Variants in ITSN1 observed in about 807,000 individuals in gnomAD.
ITSN1 encodes the protein intersectin-1.
A neutral mutation model predicts 239.8 loss-of-function variants in ITSN1; 58 were observed. The ratio of observed to expected loss-of-function variants is 0.24; its 90% confidence interval spans 0.20 to 0.30. The LOEUF is 0.30. Among genes scored for constraint, ITSN1 ranks in the 10% least tolerant of loss-of-function variants. The probability of loss-of-function intolerance (pLI) is 1.00; values close to 1 mark genes in which losing one functional copy is unlikely to be tolerated. For synonymous variants in ITSN1, 780 were observed against 770.8 expected (o/e 1.01, Z -0.20); for missense variants, 1,558 against 2,103.3 (o/e 0.74, Z 5.07).
At chr21:33,672,284 CAT>C (rs1388360930) in intron 1 of ITSN1, among the ~76,000 whole-genome samples, 1 of 151,696 alleles carries the variant, frequency 6.6e-6, no homozygotes, top group Non-Finnish European at 1.5e-5. Flanking sequence ...TTTTAAAAAT[CAT>C]AACAAAATCA....
chr21:33,792,216 T>G (rs1262776037), intron 16 of ITSN1, among the ~76,000 whole-genome samples: 2 of 152,070 alleles, frequency 1.3e-5, no homozygotes, highest in African/African-American at 2.4e-5. Context: ...TTATTTTTTA[T>G]TTTTTTGAGA....
At chr21:33,855,180 C>T (rs9636869) in intron 29 of ITSN1, among the ~76,000 whole-genome samples, 10,002 of 152,264 alleles carry the variant, frequency 0.066, 437 homozygotes, top group East Asian at 0.076. Flanking sequence ...CGAGGAACCC[C>T]TGCTAGGCCA....
intron 33 of ITSN1, among the ~76,000 whole-genome samples, chr21:33,868,111 T>G (rs1981988102): frequency 6.6e-6 from 1 of 152,228 alleles, no homozygotes; most frequent in Non-Finnish European, 1.5e-5. Context: ...TTTTATTCTC[T>G]TATCTGGCCC....
At position 33,713,828 on chromosome 21, in the gene ITSN1, C is replaced by CTTTTTT. The variant is rs35226795; in HGVS notation, c.-32-4950_-32-4945dup. Among the ~76,000 whole-genome samples the CTTTTTT allele has an allele frequency of 8.7e-4, 78 of 89,362 alleles. 1 individual carries two copies. The highest frequency in any genetic ancestry group is 1.5e-3 in the East Asian group (4 of 2,688). The allele number at this position is 89,362 out of a possible 152,430, so 58.6% of individuals were successfully genotyped here. A position where few individuals can be genotyped will look rare whatever the true frequency, so the allele number is the denominator to read the frequency against. Reference sequence around the variant, plus strand: ...TTACCTGGGAACATTCCAGCCTCATCTTTTTTTTTTTTTTTTTTTTTTTTG... The same window carrying CTTTTTT: ...TTACCTGGGAACATTCCAGCCTCATCTTTTTTTTTTTTTTTTTTTTTTTTTTTTTTG... On this transcript the variant is annotated intron_variant, in intron 1 of 39. Coordinates refer to ENST00000381318, the MANE Select transcript of ITSN1 (RefSeq NM_003024.3).
At position 33,702,110 on chromosome 21, in the gene ITSN1, T is replaced by G. The variant is rs2092043866; in HGVS notation, c.-32-16687T>G. On this transcript the variant is annotated intron_variant, in intron 1 of 39. Transcript: ENST00000381318. ...ACAAAAAAATTTTTTTTTTTTTTTT[T>G]TTTTTTTTTTTTTTTTTTTTTTTTA... 1.2e-4 allele frequency among the ~76,000 whole-genome samples: 14 copies of G among 112,436 alleles called. 2 individuals are homozygous for G. The highest frequency in any genetic ancestry group is 2.8e-4 in the African/African-American group (7 of 25,150). The allele number at this position is 112,436 out of a possible 152,430, so 73.8% of individuals were successfully genotyped here.
chr21:33,688,886 G>A (rs1040881144), intron 1 of ITSN1, among the ~76,000 whole-genome samples: 4 of 151,214 alleles, frequency 2.6e-5, no homozygotes, highest in Non-Finnish European at 4.4e-5. Context: ...GCAGTGGCAC[G>A]ATCTCGGTGC....
intron 1 of ITSN1, among the ~76,000 whole-genome samples, chr21:33,650,471 T>C (rs1376582874): frequency 2.0e-5 from 3 of 152,228 alleles, no homozygotes; most frequent in African/African-American, 7.2e-5. Context: ...TCCTGACCGG[T>C]TTTATTGTTC....
rs1350462525 is a variant in ITSN1 at position 33,797,976 on chromosome 21, C to T, written c.2182+368C>T. ...GCAACAGAAAGTGGCACCTTTCACCCTTGCCTCCACTGATGGGGCATTCGC... is the reference window on the plus strand; with the variant it reads ...GCAACAGAAAGTGGCACCTTTCACCTTTGCCTCCACTGATGGGGCATTCGC... On this transcript the variant is annotated intron_variant, in intron 18 of 39. Transcript: ENST00000381318. This position sits in a 1 kb window ranked among gnomAD's most constrained non-coding sequence, Gnocchi z 4.9. 6.6e-6 allele frequency among the ~76,000 whole-genome samples: 1 copy of T among 152,230 alleles called. No homozygotes were observed. The highest frequency in any genetic ancestry group is 2.4e-5 in the African/African-American group (1 of 41,460).
intron 1 of ITSN1, among the ~76,000 whole-genome samples, chr21:33,689,645 C>T (rs1418981799): frequency 6.6e-6 from 1 of 152,168 alleles, no homozygotes; most frequent in African/African-American, 2.4e-5. Flanking sequence ...CACTGTACTC[C>T]AGCCTGGTAG....
chr21:33,688,062 A>T (rs1054769605), intron 1 of ITSN1, among the ~76,000 whole-genome samples: 5 of 151,460 alleles, frequency 3.3e-5, no homozygotes, highest in Non-Finnish European at 7.4e-5. Context: ...TTTTCAAAAA[A>T]TCATCACTGT....
chr21:33,860,364 T>C (rs895675766), intron 31 of ITSN1, among the ~76,000 whole-genome samples: 25 of 151,972 alleles, frequency 1.6e-4, no homozygotes, highest in Non-Finnish European at 3.4e-4. Flanking sequence ...GTTAAAACCT[T>C]TTTCCTTGGG....
chr21:33,750,030 T>C lies in ITSN1; in HGVS notation c.347-113T>C, dbSNP rs2067441504. 5.2e-6 allele frequency: 5 copies of C among 969,982 alleles called. No individual in the cohort carries two copies. In the South Asian group the frequency reaches 5.8e-5, roughly 11 times the overall value. The allele number at this position is 969,982 out of a possible 1,614,324, so 60.1% of individuals were successfully genotyped here. On this transcript the variant is annotated intron_variant, in intron 5 of 39. Transcript: ENST00000381318. ...GATTAACTTGAAGCCCTATTTTAATTGGAATATATTACAGCTGGAAAGTGA... is the reference window on the plus strand; with the variant it reads ...GATTAACTTGAAGCCCTATTTTAATCGGAATATATTACAGCTGGAAAGTGA...
chr21:33,778,595 T>TAC (rs869155467), intron 14 of ITSN1, among the ~76,000 whole-genome samples: 2 of 135,114 alleles, frequency 1.5e-5, no homozygotes, highest in African/African-American at 6.1e-5. Context: ...TTTTTTTTTT[T>TAC]TGAGACGGAG....
rs1046371922 is a variant in ITSN1, at chr21:33,896,548, G to T, written c.*8248G>T. 6.6e-6 allele frequency: 1 copy of T among 152,276 alleles called. No individual in the cohort carries two copies. Among genetic ancestry groups the T allele is most frequent in the Non-Finnish European group, 1.5e-5 (1 of 68,098 alleles). 9.4% of individuals were successfully genotyped at this position (152,276 alleles called of 1,614,324 possible). A position where few individuals can be genotyped will look rare whatever the true frequency, so the allele number is the denominator to read the frequency against. ...AGCTGGGCCACACGATCTGGTCTGC[G>T]GGTGTCTGGGAGGAACCTGCTTCGG... is the stretch of plus-strand genomic sequence containing the variant. On this transcript the variant is annotated 3_prime_UTR_variant, in exon 40 of 40. Coordinates refer to ENST00000381318, the MANE Select transcript of ITSN1 (RefSeq NM_003024.3).
At chr21:33,752,701 C>T (rs1323177981) in intron 7 of ITSN1, among the ~76,000 whole-genome samples, 5 of 151,676 alleles carry the variant, frequency 3.3e-5, no homozygotes, top group Non-Finnish European at 7.4e-5. Context: ...GCCTGGGCAA[C>T]ATAGGGAGAC....
At chr21:33,761,713 A>G (rs929513127) in intron 8 of ITSN1, among the ~76,000 whole-genome samples, 2 of 152,184 alleles carry the variant, frequency 1.3e-5, no homozygotes, top group Admixed American at 6.5e-5. Flanking sequence ...AAAATTTATT[A>G]TGTGTCAGAT....
chr21:33,650,273 G>A (rs1379421618), intron 1 of ITSN1, among the ~76,000 whole-genome samples: 2 of 152,126 alleles, frequency 1.3e-5, no homozygotes, highest in Non-Finnish European at 2.9e-5. Context: ...GGACGTGGAC[G>A]AGGTCAGCTG....
At chr21:33,649,550 G>C (rs2146099714) in intron 1 of ITSN1, among the ~76,000 whole-genome samples, 1 of 152,252 alleles carries the variant, frequency 6.6e-6, no homozygotes, top group South Asian at 2.1e-4. Context: ...GACTGAGTTT[G>C]GCTGCCTAGC....
chr21:33,833,820 C>T (rs1036407180), intron 27 of ITSN1, among the ~76,000 whole-genome samples: 7 of 148,440 alleles, frequency 4.7e-5, no homozygotes, highest in South Asian at 2.1e-4. Context: ...TGCAGTGAGC[C>T]GAGATCGTGC....
Sources: allele counts gnomAD v4.1 joint callset (sites outside exome capture counted in the v4.1 genomes callset), GRCh38; gene constraint gnomAD v4.1.1; non-coding constraint Gnocchi (gnomAD v3.1); transcripts MANE v1.5; gene names NCBI Gene and HGNC (gene_info 2026-07-23, HGNC 2026-07-21).